Variants in SLTM observed in about 807,000 individuals in gnomAD.
SLTM encodes the protein SAFB like transcription modulator.
A neutral mutation model predicts 134.6 loss-of-function variants in SLTM; 43 were observed. The ratio of observed to expected loss-of-function variants is 0.32; its 90% CI spans 0.25 to 0.41. The LOEUF is 0.41. Among genes scored for constraint, SLTM ranks in the 10% least tolerant of loss-of-function variants. The pLI is 1.00. For synonymous variants in SLTM, 424 were observed against 432.3 expected, an observed-to-expected ratio of 0.98 and a Z score of 0.24; for missense variants, 1,055 against 1,288.8, an observed-to-expected ratio of 0.82 and a Z score of 2.78.
At chr15:58,894,707 T>TTTG in intron 9 of SLTM, 125 bp from the exon 10 acceptor site, 1 of 548,210 alleles carries the variant, frequency 1.8e-6, no homozygotes, top group African/African-American at 2.7e-5. Flanking sequence ...TGTCTCATGT[T>TTTG]TTTTTTTTTT....
chr15:58,919,744 T>C (rs945792824), intron 2 of SLTM, among the ~76,000 whole-genome samples: 5 of 152,176 alleles, frequency 3.3e-5, no homozygotes, highest in Non-Finnish European at 7.3e-5. Flanking sequence ...ATGCTATTTA[T>C]TCCTTATAAT....
At chr15:58,889,622 C>A in intron 15 of SLTM, 68 bp from the exon 16 acceptor site, 1 of 1,586,496 alleles carries the variant, frequency 6.3e-7, no homozygotes, top group East Asian at 2.3e-5. Context: ...ATACATGCAA[C>A]CTTGTTTTAA....
chr15:58,895,552 T>C (rs2035018409), intron 9 of SLTM, among the ~76,000 whole-genome samples: 1 of 152,176 alleles, frequency 6.6e-6, no homozygotes, highest in Admixed American at 6.5e-5. Context: ...TCAGGAGTTT[T>C]ATGGTATGGG....
chr15:58,888,571 T>A lies in SLTM; in HGVS notation c.2205-16A>T. On this transcript the variant is annotated splice_polypyrimidine_tract_variant and intron_variant, in intron 16 of 20. Transcript: ENST00000380516. ...ATCATCTCGCCTTGAAGAGAAATATTTGCTTATTTACATAAATTAGTTCTA... is the reference window on the plus strand; with the variant it reads ...ATCATCTCGCCTTGAAGAGAAATATATGCTTATTTACATAAATTAGTTCTA... 1 of 1,612,508 alleles carries A rather than the reference T, an allele frequency of 6.2e-7. No homozygotes were observed. The highest frequency in any genetic ancestry group is 8.5e-7 in the Non-Finnish European group (1 of 1,179,498).
chr15:58,904,817 TCTC>T (rs1231124414), intron 5 of SLTM, among the ~76,000 whole-genome samples: 2 of 151,976 alleles, frequency 1.3e-5, no homozygotes, highest in Non-Finnish European at 2.9e-5. Context: ...TTCAAGCAAT[TCTC>T]CTGCCTCAGC....
rs2033939399 is a variant in SLTM at position 58,883,769 on chromosome 15, T to C, written c.2853A>G (p.Arg951=). Residue 951 remains arginine (R), a synonymous_variant, in exon 20 of 21, where the codon CGA becomes CGG. Coordinates refer to ENST00000380516, the MANE Select transcript of SLTM (RefSeq NM_024755.4). ...GGGSQHYPEE[R]HVVERHGRDT... is the part of the protein sequence containing the mutation. ...CCCGTCCATGGCGTTCAACCACATG[T>C]CGCTCCTCAGGATAGTGCTAAAAGA... The C allele has an allele frequency of 1.2e-6, 2 of 1,613,936 alleles. No homozygotes were observed. Among genetic ancestry groups the C allele is most frequent in the South Asian group, 2.2e-5 (2 of 91,082 alleles).
Position 58,887,102 on chromosome 15 carries a change from C to T in SLTM, c.2708G>A (p.Arg903Gln), listed in dbSNP as rs755335945. 1.6e-5 allele frequency: 26 copies of T among 1,613,976 alleles called. No individual in the cohort carries two copies. The highest frequency in any genetic ancestry group is 2.0e-5 in the Non-Finnish European group (24 of 1,180,016). Reference sequence around the variant, plus strand: ...GTGCCCTGATACTTCTCTCCCAGATCGTTCTGGCCTTTCAACTCTGTTAAA... The same window carrying T: ...GTGCCCTGATACTTCTCTCCCAGATTGTTCTGGCCTTTCAACTCTGTTAAA... ...KRETRVERPERSGREVSGHSV... is the reference protein window; with the variant it reads ...KRETRVERPEQSGREVSGHSV... The change falls in exon 19 of 21, where the codon CGA becomes CAA. Residue 903 changes from arginine (R) to glutamine (Q), a missense_variant. Around this residue, in one of 3 missense-constraint regions of SLTM, gnomAD observed 776 missense variants for 962.2 expected, o/e 0.81. Coordinates refer to ENST00000380516, the MANE Select transcript of SLTM (RefSeq NM_024755.4).
chr15:58,888,710 C>T (rs1207628568), intron 16 of SLTM, 155 bp from the exon 17 acceptor site: 1 of 560,468 alleles, frequency 1.8e-6, no homozygotes, highest in Non-Finnish European at 2.9e-6. Flanking sequence ...CTAGCAAAGA[C>T]TTAATTGTTG....
chr15:58,883,896 G>A (rs2033953835), intron 19 of SLTM, 110 bp from the exon 20 acceptor site: 12 of 1,199,336 alleles, frequency 1.0e-5, no homozygotes, highest in Non-Finnish European at 1.3e-5. Flanking sequence ...TCAGGAGTTC[G>A]AGACCAGCCT....
chr15:58,907,087 A>G (rs775330774), intron 5 of SLTM, among the ~76,000 whole-genome samples: 5 of 152,188 alleles, frequency 3.3e-5, no homozygotes, highest in Non-Finnish European at 7.4e-5. Context: ...GAGTAAGGTA[A>G]TGGATATAAA....
rs181968408 is a variant in SLTM at position 58,923,187 on chromosome 15, G to A, written c.251-6188C>T. Among the ~76,000 whole-genome samples the A allele has an allele frequency of 3.2e-4, 48 of 151,968 alleles. 1 individual carries two copies. The East Asian group carries it at 9.1e-3, about 29-fold the overall frequency. On this transcript the variant is annotated intron_variant, in intron 2 of 20. Coordinates refer to ENST00000380516, the MANE Select transcript of SLTM (RefSeq NM_024755.4). ...AGTATGGACAACATGGTGGAGCCCC[G>A]TATCTACAAAAAAACACACAAATTG...
chr15:58,901,380 T>A (rs1229347513), intron 5 of SLTM, 93 bp from the exon 6 acceptor site: 51 of 1,008,626 alleles, frequency 5.1e-5, no homozygotes, highest in Non-Finnish European at 6.5e-5. Context: ...AATTGGTGGA[T>A]AATTTAATGA....
chr15:58,883,782 T>C lies in SLTM; in HGVS notation c.2840A>G (p.Tyr947Cys), dbSNP rs1437262530. The change falls in exon 20 of 21, where the codon TAT becomes TGT. Residue 947 changes from tyrosine to cysteine, a missense_variant. Physicochemically the swap from Tyr to Cys is radical, Grantham distance 194. Coordinates refer to ENST00000380516, the MANE Select transcript of SLTM (RefSeq NM_024755.4). ...TTCAACCACATGTCGCTCCTCAGGA[T>C]AGTGCTAAAAGAATAGCATATGAAA... The part of the protein sequence containing the change: ...ITDRGGGSQH[Y>C]PEERHVVERH... 6 of 1,613,856 alleles carry C rather than the reference T, an allele frequency of 3.7e-6. No homozygotes were observed. The highest frequency in any genetic ancestry group is 5.1e-6 in the Non-Finnish European group (6 of 1,179,962).
intron 10 of SLTM, 52 bp from the exon 11 acceptor site, chr15:58,894,245 G>C: frequency 6.7e-7 from 1 of 1,494,130 alleles, no homozygotes; most frequent in Non-Finnish European, 9.2e-7. Context: ...ACATTTTTGT[G>C]ATTATAAGAA....
chr15:58,887,593 TA>T, intron 17 of SLTM, 53 bp from the exon 18 acceptor site: 1 of 1,537,170 alleles, frequency 6.5e-7, no homozygotes. Context: ...CTTGAGTGCT[TA>T]ATTCTTCTTA....
rs372502032 is a variant in SLTM at position 58,883,801 on chromosome 15, T to C, written c.2836-15A>G. 320 of 1,611,974 alleles carry C rather than the reference T, an allele frequency of 2.0e-4. No individual in the cohort carries two copies. The highest frequency in any genetic ancestry group is 2.6e-4 in the Non-Finnish European group (308 of 1,178,446). On this transcript the variant is annotated splice_polypyrimidine_tract_variant and intron_variant, in intron 19 of 20. Transcript: ENST00000380516. Reference sequence around the variant, plus strand: ...TCAGGATAGTGCTAAAAGAATAGCATATGAAAAGTCACTTGGCCGGGCGCA... The same window carrying C: ...TCAGGATAGTGCTAAAAGAATAGCACATGAAAAGTCACTTGGCCGGGCGCA...
chr15:58,893,152 C>G (rs1595853000), intron 13 of SLTM, 92 bp from the exon 14 acceptor site: 1 of 1,409,072 alleles, frequency 7.1e-7, no homozygotes, highest in Admixed American at 2.5e-5. Context: ...GTTCAAATGA[C>G]TAGTAACATT....
At chr15:58,916,914 C>T in intron 3 of SLTM, 21 bp downstream of exon 3, 1 of 1,607,064 alleles carries the variant, frequency 6.2e-7, no homozygotes, top group Non-Finnish European at 8.5e-7. Context: ...AGCATCTTAA[C>T]CTGAGTAATT....
chr15:58,930,281 A>ATTTTTTTT (rs34150533), intron 2 of SLTM, among the ~76,000 whole-genome samples: 8 of 117,618 alleles, frequency 6.8e-5, no homozygotes, highest in South Asian at 2.7e-4. Context: ...ATGCCCAGCT[A>ATTTTTTTT]TTTTTTTTTT....
Sources: gnomAD v4.1 joint callset for allele counts (sites outside exome capture counted in the v4.1 genomes callset) on GRCh38, gnomAD v4.1.1 for gene constraint, gnomAD v4.1.1 regional missense constraint, MANE v1.5 for transcripts, NCBI Gene and HGNC (gene_info 2026-07-23, HGNC 2026-07-21) for gene names.